The following KIAA1549 variants were observed in gnomAD, a reference collection of about 807,000 sequenced individuals.
KIAA1549 encodes KIAA1549.
KIAA1549 carries 70 observed loss-of-function variants against 156.4 expected under a neutral mutation model. The observed-to-expected ratio is 0.45, with a 90% CI of 0.37 to 0.55. The LOEUF (loss-of-function observed/expected upper bound fraction) is 0.55, where lower values mean the gene tolerates loss of function less well. KIAA1549 is among the 20% of genes least tolerant of loss of function. KIAA1549 has a pLI of 0.00. For synonymous variants in KIAA1549, 1,103 were observed against 1,066.4 expected (o/e 1.03, Z -0.67); for missense variants, 2,428 against 2,540.9 (o/e 0.96, Z 0.96).
intron 11 of KIAA1549, 92 bp from the exon 12 acceptor site, chr7:138,879,745 AGG>A: frequency 3.8e-6 from 3 of 785,528 alleles, no homozygotes; most frequent in Non-Finnish European, 6.0e-6. Flanking sequence ...TCAGGCTTCC[AGG>A]CAAAACCAGC....
Position 138,948,103 on chromosome 7 carries a change from G to A in KIAA1549, c.188-28665C>T, listed in dbSNP as rs141017147. The stretch of plus-strand genomic sequence containing the variant: ...TTATCACATCTGATTAATCTCATGG[G>A]AGGAACTGTGTACCCCAAAAAAGAT... On this transcript the variant is annotated intron_variant, in intron 1 of 19. Coordinates refer to ENST00000422774, the MANE Select transcript of KIAA1549 (RefSeq NM_001164665.2). Among the ~76,000 whole-genome samples the A allele has an allele frequency of 3.3e-5, 5 of 152,230 alleles. No individual in the cohort carries two copies. In the East Asian group the frequency reaches 9.7e-4, roughly 29 times the overall value.
rs372173200 is a variant in KIAA1549 at position 138,917,641 on chromosome 7, G to A, written c.1985C>T (p.Ser662Phe). The A allele has an allele frequency of 1.1e-5, 17 of 1,613,490 alleles. No individual in the cohort carries two copies. Residue 662 changes from serine to phenylalanine, a missense_variant, in exon 2 of 20, where the codon TCT (serine) becomes TTT (phenylalanine). Physicochemically the swap from Ser to Phe is radical, Grantham distance 155. Transcript: ENST00000422774. Reference sequence around the variant, plus strand: ...AAATGTCTCAACCAAGGGAGAAAAAGACTGAGATGTGAAGGGGGACAAGTC... The same window carrying A: ...AAATGTCTCAACCAAGGGAGAAAAAAACTGAGATGTGAAGGGGGACAAGTC... ...PSDLSPFTSQ[S>F]FSPLVETFTL...
At chr7:138,891,958 A>C (rs1377019734) in intron 10 of KIAA1549, among the ~76,000 whole-genome samples, 1 of 152,232 alleles carries the variant, frequency 6.6e-6, no homozygotes, top group Non-Finnish European at 1.5e-5. Context: ...AACACACGAC[A>C]AAATCTATAG....
rs1017367387 is a variant in KIAA1549 at position 138,835,159 on chromosome 7, C to T, written c.*2747G>A. On this transcript the variant is annotated 3_prime_UTR_variant, in exon 20 of 20. Transcript: ENST00000422774. The stretch of plus-strand genomic sequence containing the variant: ...AAGGACCCTTCCTTTCAGTGGATGA[C>T]GTGAACTTAATGTCTGAAGACCGCT... 2.7e-5 allele frequency: 6 copies of T among 220,010 alleles called. No homozygotes were observed. The highest frequency in any genetic ancestry group is 3.6e-5 in the Non-Finnish European group (4 of 109,812). The allele number at this position is 220,010 out of a possible 1,614,324, so 13.6% of individuals were successfully genotyped here. A position where few individuals can be genotyped will look rare whatever the true frequency, so the allele number is the denominator to read the frequency against.
At chr7:138,980,574 GTTCT>G (rs1212057059) in intron 1 of KIAA1549, among the ~76,000 whole-genome samples, 6 of 152,244 alleles carry the variant, frequency 3.9e-5, no homozygotes, top group African/African-American at 9.6e-5. Context: ...TTCTTTGAAT[GTTCT>G]TTGTGTCCTG....
rs1016431693 is a variant in KIAA1549 at position 138,836,847 on chromosome 7, C to T, written c.*1059G>A. On this transcript the variant is annotated 3_prime_UTR_variant, in exon 20 of 20. Coordinates refer to ENST00000422774, the MANE Select transcript of KIAA1549 (RefSeq NM_001164665.2). The stretch of plus-strand genomic sequence containing the variant: ...CTGAACTCAATTTCATTTCCAGGCT[C>T]TGAACACAGGGAATGTGACTGGTAG... The T allele has an allele frequency of 1.8e-5, 4 of 225,836 alleles. No individual in the cohort carries two copies. The highest frequency in any genetic ancestry group is 3.5e-5 in the Non-Finnish European group (4 of 113,646). 14.0% of individuals were successfully genotyped at this position (225,836 alleles called of 1,614,324 possible). A position where few individuals can be genotyped will look rare whatever the true frequency, so the allele number is the denominator to read the frequency against.
intron 17 of KIAA1549, among the ~76,000 whole-genome samples, chr7:138,844,980 G>C (rs1810033248): frequency 6.6e-6 from 1 of 151,832 alleles, no homozygotes; most frequent in African/African-American, 2.4e-5. Context: ...TAAAATTACA[G>C]ACGATCCTGC....
intron 13 of KIAA1549, among the ~76,000 whole-genome samples, chr7:138,870,742 T>G (rs1407035128): frequency 1.3e-5 from 2 of 152,274 alleles, no homozygotes. Context: ...CAGCAGCTTA[T>G]GCCTTCAGTA....
rs1563078315 is a variant in KIAA1549, at chr7:138,919,270, T to G, written c.356A>C (p.Asp119Ala). Residue 119 changes from aspartate (D) to alanine (A), a missense_variant, in exon 2 of 20, where the codon GAT (aspartate) becomes GCT (alanine). Asp to Ala is a moderately radical substitution (Grantham distance 126). Coordinates refer to ENST00000422774, the MANE Select transcript of KIAA1549 (RefSeq NM_001164665.2). The stretch of plus-strand genomic sequence containing the variant: ...TTTTCCTTGGTTAAAAAAGGCTGTA[T>G]CAAAAGTAGTGGCAGACGGCGGGGC... Reference protein sequence around the residue: ...VTAPPSATTFDTAFFNQGKQT... With the variant: ...VTAPPSATTFATAFFNQGKQT... 3.7e-6 allele frequency: 6 copies of G among 1,613,842 alleles called. No individual in the cohort carries two copies. The highest frequency in any genetic ancestry group is 5.1e-6 in the Non-Finnish European group (6 of 1,179,890).
intron 9 of KIAA1549, among the ~76,000 whole-genome samples, chr7:138,898,424 C>A (rs1292936282): frequency 6.6e-6 from 1 of 151,812 alleles, no homozygotes; most frequent in East Asian, 1.9e-4. Flanking sequence ...CTTCAAAATA[C>A]CTCTGTCTAC....
intron 12 of KIAA1549, among the ~76,000 whole-genome samples, chr7:138,875,487 G>A (rs998116524): frequency 2.0e-5 from 3 of 152,080 alleles, no homozygotes; most frequent in East Asian, 1.9e-4. Flanking sequence ...TCTACAAAAA[G>A]TAAATAAAAA....
At chr7:138,915,412 T>C (rs188206099) in intron 2 of KIAA1549, among the ~76,000 whole-genome samples, 108 of 152,194 alleles carry the variant, frequency 7.1e-4, no homozygotes, top group African/African-American at 2.5e-3. Context: ...CAATCATTAC[T>C]TGCCATGTGG....
chr7:138,905,075 TG>T lies in KIAA1549; in HGVS notation c.3466del (p.Gln1156SerfsTer11). 1 of 1,572,730 alleles carries T rather than the reference TG, an allele frequency of 6.4e-7. No homozygotes were observed. Among genetic ancestry groups the T allele is most frequent in the Non-Finnish European group, 8.6e-7 (1 of 1,157,058 alleles). On this transcript the variant is annotated frameshift_variant, in exon 7 of 20. Coordinates refer to ENST00000422774, the MANE Select transcript of KIAA1549 (RefSeq NM_001164665.2). LOFTEE classifies it high-confidence loss of function. ...YPVLQIAEPF[Q>X]YPQLNLSQLL... ...CTGAGATAAGTTGAGCTGTGGATACTGGAAGGCTACAAAAGGGAAAGAATTA... is the reference window on the plus strand; with the variant it reads ...CTGAGATAAGTTGAGCTGTGGATACTGAAGGCTACAAAAGGGAAAGAATTA...
Position 138,917,311 on chromosome 7 carries a change from G to C in KIAA1549, c.2315C>G (p.Pro772Arg). The C allele has an allele frequency of 6.2e-7, 1 of 1,613,854 alleles. No homozygotes were observed. Among genetic ancestry groups the C allele is most frequent in the South Asian group, 1.1e-5 (1 of 91,052 alleles). The change falls in exon 2 of 20, where the codon CCC becomes CGC. Residue 772 changes from proline (P) to arginine (R), a missense_variant. This residue lies in a region of KIAA1549 where 762 missense variants were observed against 901.6 expected (regional missense o/e 0.85). Transcript: ENST00000422774. ...HESAVTALVP[P>R]GSESFDILTA... ...CAAAATGTCAAAAGACTCAGAGCCGGGGGGCACCAGTGCAGTGACTGCGGA... is the reference window on the plus strand; with the variant it reads ...CAAAATGTCAAAAGACTCAGAGCCGCGGGGCACCAGTGCAGTGACTGCGGA...
At chr7:138,839,776 G>GCCT (rs1809851616) in intron 19 of KIAA1549, among the ~76,000 whole-genome samples, 1 of 90,094 alleles carries the variant, frequency 1.1e-5, no homozygotes, top group Non-Finnish European at 2.3e-5. Context: ...GAGGGATTAT[G>GCCT]TCTTTTTTTT....
chr7:138,836,813 G>A lies in KIAA1549; in HGVS notation c.*1093C>T, dbSNP rs982974365. 2 of 224,928 alleles carry A rather than the reference G, an allele frequency of 8.9e-6. No individual in the cohort carries two copies. The highest frequency in any genetic ancestry group is 1.8e-5 in the Non-Finnish European group (2 of 112,930). 13.9% of individuals were successfully genotyped at this position (224,928 alleles called of 1,614,324 possible). On this transcript the variant is annotated 3_prime_UTR_variant, in exon 20 of 20. Transcript: ENST00000422774. ...TTTACATTTCTTGATTCATTACAGA[G>A]AGGCTGAACTGAACTCAATTTCATT...
chr7:138,967,292 A>G (rs1401628817), intron 1 of KIAA1549, among the ~76,000 whole-genome samples: 1 of 152,218 alleles, frequency 6.6e-6, no homozygotes, highest in African/African-American at 2.4e-5. Context: ...AAAAAAAGCA[A>G]GCAGGAGCAG....
chr7:138,944,280 A>G (rs1015869880), intron 1 of KIAA1549, among the ~76,000 whole-genome samples: 4 of 152,212 alleles, frequency 2.6e-5, no homozygotes, highest in Admixed American at 1.3e-4. Context: ...CAAAAGCCAC[A>G]TAATTGCCAA....
At chr7:138,859,485 T>C (rs1192854945) in intron 16 of KIAA1549, among the ~76,000 whole-genome samples, 3 of 152,232 alleles carry the variant, frequency 2.0e-5, no homozygotes, top group East Asian at 3.9e-4. Flanking sequence ...AACTGATCAG[T>C]ACTCAAACAA....
Sources: gnomAD v4.1 joint callset for allele counts (sites outside exome capture counted in the v4.1 genomes callset) on GRCh38, gnomAD v4.1.1 for gene constraint, gnomAD v4.1.1 regional missense constraint, MANE v1.5 for transcripts, NCBI Gene and HGNC (gene_info 2026-07-23, HGNC 2026-07-21) for gene names.